EGF: variants seen among roughly 807,000 people sequenced by gnomAD.
EGF encodes pro-epidermal growth factor.
Under a neutral mutation model 143.8 loss-of-function variants are expected in EGF, and 95 were observed. That is an observed-to-expected ratio of 0.66 (90% CI 0.56 to 0.78). The LOEUF (loss-of-function observed/expected upper bound fraction) is 0.78, where lower values mean the gene tolerates loss of function less well. Ranked by LOEUF, EGF falls within the 30% of genes least tolerant of loss-of-function variation. EGF has a pLI of 0.00. For synonymous variants in EGF, 510 were observed against 510.5 expected, an observed-to-expected ratio of 1.00 and a Z score of 0.01; for missense variants, 1,320 against 1,470.9, an observed-to-expected ratio of 0.90 and a Z score of 1.68.
rs1260967184 is a variant in EGF, at chr4:109,940,928, C to T, written c.128-18C>T. ...AAATATTAAAAGTATACAGTTTGGT[C>T]TCTTTCTTCCCACCCAGGTCCTGCA... is the stretch of plus-strand genomic sequence containing the variant. On this transcript the variant is annotated intron_variant, in intron 1 of 23. Transcript: ENST00000265171. 1.2e-6 allele frequency: 2 copies of T among 1,611,706 alleles called. No homozygotes were observed. Among genetic ancestry groups the T allele is most frequent in the African/African-American group, 1.3e-5 (1 of 74,868 alleles).
intron 20 of EGF, among the ~76,000 whole-genome samples, chr4:109,996,147 G>T (rs886677063): frequency 6.6e-6 from 1 of 152,106 alleles, no homozygotes; most frequent in Admixed American, 6.5e-5. Context: ...TTTCCTCCAT[G>T]ATACTTTAGA....
At chr4:109,981,025 C>T (rs1361817121) in intron 15 of EGF, 50 bp downstream of exon 15, 1 of 1,607,656 alleles carries the variant, frequency 6.2e-7, no homozygotes, top group Non-Finnish European at 8.5e-7. Flanking sequence ...CTCAGAAATA[C>T]AGCTGTACAT....
chr4:109,950,162 A>C (rs1033940442), intron 5 of EGF, among the ~76,000 whole-genome samples: 3 of 152,258 alleles, frequency 2.0e-5, no homozygotes, highest in Non-Finnish European at 4.4e-5. Flanking sequence ...CCTTGTAAGC[A>C]TGTCTACTTG....
chr4:109,976,318 CAT>C (rs1553940677), intron 13 of EGF, 83 bp downstream of exon 13: 7 of 1,176,728 alleles, frequency 5.9e-6, no homozygotes, highest in Non-Finnish European at 8.7e-6. Context: ...CACACACACA[CAT>C]ACCACTTAGC....
intron 14 of EGF, 114 bp from the exon 15 acceptor site, chr4:109,980,712 C>A: frequency 8.6e-7 from 1 of 1,166,104 alleles, no homozygotes; most frequent in Non-Finnish European, 1.3e-6. Flanking sequence ...TTTAGATACA[C>A]TGCATTTCTC....
intron 12 of EGF, 150 bp from the exon 13 acceptor site, chr4:109,975,862 C>T (rs1426569995): frequency 2.4e-5 from 20 of 849,448 alleles, no homozygotes; most frequent in African/African-American, 1.0e-4. Context: ...AATTATTTGC[C>T]GAACATACAG....
intron 21 of EGF, among the ~76,000 whole-genome samples, chr4:110,003,814 C>A (rs1317264825): frequency 6.6e-6 from 1 of 151,738 alleles, no homozygotes; most frequent in African/African-American, 2.4e-5. Flanking sequence ...CCTGGCTTAG[C>A]CACTATGAGA....
At chr4:109,928,080 T>A (rs1739047048) in intron 1 of EGF, among the ~76,000 whole-genome samples, 1 of 152,120 alleles carries the variant, frequency 6.6e-6, no homozygotes, top group Non-Finnish European at 1.5e-5. Flanking sequence ...TAGTATTGGA[T>A]AAGGGATAGA....
intron 1 of EGF, among the ~76,000 whole-genome samples, chr4:109,918,937 C>G (rs189099737): frequency 1.4e-4 from 21 of 152,220 alleles, no homozygotes; most frequent in Non-Finnish European, 2.1e-4. Context: ...CCCTCTTTCT[C>G]CCACAGTGAT....
chr4:109,978,049 T>C, intron 13 of EGF, among the ~76,000 whole-genome samples: 1 of 152,200 alleles, frequency 6.6e-6, no homozygotes, highest in East Asian at 1.9e-4. Context: ...ATCAAATAAT[T>C]TTATATTAAA....
At chr4:109,991,952 A>G (rs1750990063) in intron 18 of EGF, among the ~76,000 whole-genome samples, 1 of 151,968 alleles carries the variant, frequency 6.6e-6, no homozygotes, top group Non-Finnish European at 1.5e-5. Flanking sequence ...CAGGAGTTTG[A>G]GACAGCCTGG....
Position 109,963,157 on chromosome 4 carries a change from G to A in EGF, c.1313-16G>A, listed in dbSNP as rs751052543. The A allele has an allele frequency of 2.5e-6, 4 of 1,613,440 alleles. No individual in the cohort carries two copies. In the Admixed American group the frequency reaches 5.0e-5, roughly 20 times the overall value. On this transcript the variant is annotated splice_polypyrimidine_tract_variant and intron_variant, in intron 8 of 23. Coordinates refer to ENST00000265171, the MANE Select transcript of EGF (RefSeq NM_001963.6). ...TTGGATGACGTAGCATCATTACTAA[G>A]CAATTGTTTTTGTAGGTTGTTCCTC...
chr4:109,920,993 G>T (rs1353761756), intron 1 of EGF, among the ~76,000 whole-genome samples: 1 of 151,606 alleles, frequency 6.6e-6, no homozygotes, highest in Non-Finnish European at 1.5e-5. Context: ...CTGAGAGTCA[G>T]GTCTGGAAGG....
intron 5 of EGF, among the ~76,000 whole-genome samples, chr4:109,946,302 G>A (rs940060460): frequency 9.9e-5 from 15 of 152,152 alleles, no homozygotes; most frequent in Non-Finnish European, 1.9e-4. Flanking sequence ...TTTGCACTTA[G>A]GTTGAAGTTC....
chr4:109,961,899 G>T lies in EGF; in HGVS notation c.1226G>T (p.Ser409Ile). 6.2e-7 allele frequency: 1 copy of T among 1,613,950 alleles called. No homozygotes were observed. The highest frequency in any genetic ancestry group is 8.5e-7 in the Non-Finnish European group (1 of 1,179,860). The change falls in exon 8 of 24, where the codon AGC (serine) becomes ATC (isoleucine). Residue 409 changes from serine (S) to isoleucine (I), a missense_variant. Ser to Ile is a moderately radical substitution (Grantham distance 142). This residue lies in a region of EGF where 1,186 missense variants were observed against 1,313.7 expected (regional missense o/e 0.90). Transcript: ENST00000265171. ...VSCPRNVSECSHDCVLTSEGP... is the reference protein window; with the variant it reads ...VSCPRNVSECIHDCVLTSEGP... The stretch of plus-strand genomic sequence containing the variant: ...TGTCCACGCAATGTGTCTGAATGCA[G>T]CCATGACTGTGTTCTGACATCAGAA...
chr4:109,979,843 A>C, intron 13 of EGF, 129 bp from the exon 14 acceptor site: 1 of 1,128,970 alleles, frequency 8.9e-7, no homozygotes, highest in Non-Finnish European at 1.3e-6. Flanking sequence ...TGGCTCACTC[A>C]TAACTTGCTG....
chr4:110,002,560 T>C (rs1436516523), intron 21 of EGF, among the ~76,000 whole-genome samples: 1 of 152,120 alleles, frequency 6.6e-6, no homozygotes, highest in South Asian at 2.1e-4. Flanking sequence ...TATTCTAATC[T>C]TATTAGTTTA....
intron 16 of EGF, 134 bp downstream of exon 16, chr4:109,983,675 T>C: frequency 8.3e-7 from 1 of 1,199,054 alleles, no homozygotes; most frequent in Non-Finnish European, 1.2e-6. Context: ...AACCTTGGAC[T>C]CAAGTCTGTC....
intron 4 of EGF, among the ~76,000 whole-genome samples, chr4:109,944,566 G>T (rs1015915121): frequency 6.6e-6 from 1 of 152,130 alleles, no homozygotes; most frequent in Admixed American, 6.5e-5. Flanking sequence ...CAGTCTCTTG[G>T]GATTATTGTG....
Sources: allele counts gnomAD v4.1 joint callset (sites outside exome capture counted in the v4.1 genomes callset), GRCh38; gene constraint gnomAD v4.1.1; regional missense constraint gnomAD v4.1.1; transcripts MANE v1.5; gene names NCBI Gene and HGNC (gene_info 2026-07-23, HGNC 2026-07-21).